DOCK3: variants seen among roughly 807,000 people sequenced by gnomAD.
DOCK3 encodes dedicator of cytokinesis 3, also known as dedicator of cytokinesis protein 3.
Under a neutral mutation model 265.6 loss-of-function variants are expected in DOCK3, and 60 were observed. The ratio of observed to expected loss-of-function variants is 0.23; its 90% CI spans 0.18 to 0.28. DOCK3 has a LOEUF of 0.28. Ranked by LOEUF, DOCK3 falls within the 10% of genes least tolerant of loss-of-function variation. DOCK3 has a pLI of 1.00. For synonymous variants in DOCK3, 881 were observed against 938.0 expected, an observed-to-expected ratio of 0.94 and a Z score of 1.11; for missense variants, 1,981 against 2,594.3, an observed-to-expected ratio of 0.76 and a Z score of 5.14.
chr3:50,853,231 T>C (rs971509275), intron 3 of DOCK3, among the ~76,000 whole-genome samples: 1 of 152,230 alleles, frequency 6.6e-6, no homozygotes, highest in African/African-American at 2.4e-5. Context: ...CTCTGTCTCT[T>C]CACGAGATCC....
At chr3:50,788,005 C>G in intron 2 of DOCK3, 1 of 776,664 alleles carries the variant, frequency 1.3e-6, no homozygotes, top group Non-Finnish European at 2.2e-6. Flanking sequence ...CCTGGTCTTC[C>G]TTAATAGCAT....
chr3:50,825,958 GT>G (rs11441822), intron 2 of DOCK3, among the ~76,000 whole-genome samples: 1 of 149,064 alleles, frequency 6.7e-6, no homozygotes, highest in Non-Finnish European at 1.5e-5. Flanking sequence ...GGTTCTTCAT[GT>G]TTTTTTTTTT....
chr3:51,165,153 G>C (rs1325781450), intron 12 of DOCK3, among the ~76,000 whole-genome samples: 1 of 151,998 alleles, frequency 6.6e-6, no homozygotes, highest in African/African-American at 2.4e-5. Context: ...TGGCTAGGAT[G>C]GTCTTGATCT....
intron 5 of DOCK3, among the ~76,000 whole-genome samples, chr3:51,056,994 A>G (rs538779420): frequency 3.3e-5 from 5 of 152,188 alleles, no homozygotes; most frequent in Non-Finnish European, 7.4e-5. Context: ...TTAGATTTTT[A>G]TGATGCTGTG....
intron 1 of DOCK3, among the ~76,000 whole-genome samples, chr3:50,690,625 GTTCATTCA>G (rs375895436): frequency 1.5e-4 from 23 of 151,602 alleles, no homozygotes; most frequent in South Asian, 6.3e-4. Flanking sequence ...TCGTTCGTTC[GTTCATTCA>G]TTCATTCATT....
chr3:51,091,883 C>T (rs2082652018), intron 9 of DOCK3, among the ~76,000 whole-genome samples: 1 of 152,088 alleles, frequency 6.6e-6, no homozygotes, highest in Non-Finnish European at 1.5e-5. Context: ...GGCGCATTGC[C>T]TCACCTGGGA....
intron 30 of DOCK3, 23 bp from the exon 31 acceptor site, chr3:51,312,821 G>T: frequency 6.2e-7 from 1 of 1,604,100 alleles, no homozygotes; most frequent in Non-Finnish European, 8.5e-7. Context: ...ACTAACGGTT[G>T]GCTCCTGTGT....
chr3:51,244,779 A>C (rs13064149), intron 21 of DOCK3, among the ~76,000 whole-genome samples: 125,030 of 152,184 alleles, frequency 0.82, 51,954 homozygotes, highest in Middle Eastern at 0.9. Flanking sequence ...AAATGCTTTC[A>C]GTCTTTTACC....
In DOCK3 at chr3:51,374,679, A is replaced by G. The variant is rs1559434322; in HGVS notation, c.5412+92A>G. ...TTTGCGGGGCCTTCTGCATTGTCCTACATGGCTCTCTCATTCCGCTGTAAG... is the reference window on the plus strand; with the variant it reads ...TTTGCGGGGCCTTCTGCATTGTCCTGCATGGCTCTCTCATTCCGCTGTAAG... On this transcript the variant is annotated intron_variant, in intron 50 of 52. Transcript: ENST00000266037. This position sits in a 1 kb window ranked among gnomAD's most constrained non-coding sequence, Gnocchi z 4.8. The G allele has an allele frequency of 1.6e-6, 2 of 1,219,966 alleles. No homozygotes were observed. Among genetic ancestry groups the G allele is most frequent in the Non-Finnish European group, 2.3e-6 (2 of 853,128 alleles). The allele number at this position is 1,219,966 out of a possible 1,614,324, so 75.6% of individuals were successfully genotyped here.
chr3:51,190,494 G>C (rs1040235425), intron 12 of DOCK3, among the ~76,000 whole-genome samples: 6 of 152,162 alleles, frequency 3.9e-5, no homozygotes, highest in Non-Finnish European at 5.9e-5. Flanking sequence ...ACAGACTCAG[G>C]ACCTCCTGGT....
chr3:51,259,202 C>G (rs950322113), intron 22 of DOCK3, among the ~76,000 whole-genome samples: 4 of 152,228 alleles, frequency 2.6e-5, no homozygotes, highest in African/African-American at 9.6e-5. Flanking sequence ...CCAGTGCCAA[C>G]TGAATTTTGT....
intron 10 of DOCK3, among the ~76,000 whole-genome samples, chr3:51,152,978 T>A (rs550588175): frequency 1.1e-4 from 17 of 152,330 alleles, no homozygotes; most frequent in African/African-American, 2.9e-4. Flanking sequence ...GAGGAGGCAG[T>A]CTGTCCATTC....
At chr3:51,047,787 C>T (rs2080834901) in intron 5 of DOCK3, among the ~76,000 whole-genome samples, 1 of 152,088 alleles carries the variant, frequency 6.6e-6, no homozygotes, top group Non-Finnish European at 1.5e-5. Flanking sequence ...GACCAGATGG[C>T]TTAACAGCTG....
chr3:51,115,881 C>T (rs1163320930), intron 9 of DOCK3, among the ~76,000 whole-genome samples: 1 of 152,162 alleles, frequency 6.6e-6, no homozygotes, highest in Non-Finnish European at 1.5e-5. Context: ...GTTTTCACAA[C>T]AGCATTTATT....
At position 51,089,290 on chromosome 3, in the gene DOCK3, C is replaced by A. The variant is rs763200746; in HGVS notation, c.591+6C>A. ...TACAGCAAAGCACATCCCAGGTAAG[C>A]GGCTTTCCTGGGTCTTCCAGCCTTT... On this transcript the variant is annotated splice_donor_region_variant and intron_variant, in intron 8 of 52. Coordinates refer to ENST00000266037, the MANE Select transcript of DOCK3 (RefSeq NM_004947.5). 1.2e-6 allele frequency: 2 copies of A among 1,608,306 alleles called. No homozygotes were observed. The highest frequency in any genetic ancestry group is 1.7e-6 in the Non-Finnish European group (2 of 1,177,324).
intron 3 of DOCK3, among the ~76,000 whole-genome samples, chr3:50,885,158 A>C (rs1246826692): frequency 6.6e-6 from 1 of 152,172 alleles, no homozygotes; most frequent in Non-Finnish European, 1.5e-5. Flanking sequence ...GTGGCCTTTC[A>C]GATTGATTTC....
chr3:50,920,077 G>C (rs1253347302), intron 4 of DOCK3, among the ~76,000 whole-genome samples: 2 of 152,222 alleles, frequency 1.3e-5, no homozygotes, highest in Admixed American at 1.3e-4. Flanking sequence ...TGTTGAACCA[G>C]CCTTGCATCC....
chr3:50,933,825 A>G (rs1296799964), intron 4 of DOCK3, among the ~76,000 whole-genome samples, 156 bp from the exon 5 acceptor site: 1 of 152,234 alleles, frequency 6.6e-6, no homozygotes, highest in Non-Finnish European at 1.5e-5. Flanking sequence ...CTGTTGCAGT[A>G]TATCATTATA....
chr3:51,016,676 T>TA (rs2079291791), intron 5 of DOCK3, among the ~76,000 whole-genome samples: 2 of 33,178 alleles, frequency 6.0e-5, no homozygotes, highest in Non-Finnish European at 1.2e-4. Flanking sequence ...ATGATATATA[T>TA]TTATATATCA....
Sources: allele counts gnomAD v4.1 joint callset (sites outside exome capture counted in the v4.1 genomes callset), GRCh38; gene constraint gnomAD v4.1.1; non-coding constraint Gnocchi (gnomAD v3.1); transcripts MANE v1.5; gene names NCBI Gene and HGNC (gene_info 2026-07-23, HGNC 2026-07-21).